The following SGCD variants were observed in gnomAD, a reference collection of about 807,000 sequenced individuals.
SGCD encodes delta-sarcoglycan.
A neutral mutation model predicts 36.6 loss-of-function variants in SGCD; 18 were observed. The ratio of observed to expected loss-of-function variants is 0.49; its 90% confidence interval spans 0.34 to 0.73. The LOEUF (loss-of-function observed/expected upper bound fraction) is 0.73, where lower values mean the gene tolerates loss of function less well. Among genes scored for constraint, SGCD ranks in the 30% least tolerant of loss-of-function variants. The pLI is 0.01. For synonymous variants in SGCD, 133 were observed against 130.6 expected, an observed-to-expected ratio of 1.02 and a Z score of -0.12; for missense variants, 387 against 346.7, an observed-to-expected ratio of 1.12 and a Z score of -0.92.
chr5:156,527,288 A>C (rs1470915440), intron 4 of SGCD, among the ~76,000 whole-genome samples: 1 of 152,204 alleles, frequency 6.6e-6, no homozygotes, highest in Non-Finnish European at 1.5e-5. Context: ...ATCAGAAAAA[A>C]AACATAAACT....
rs543585243 is a variant in SGCD, at chr5:156,434,721, T to A, written c.193-73880T>A. ...TTTCCCTAATCATTAGGCGATTGAG[T>A]TGACAGTGATTGGTCACAAACATGC... On this transcript the variant is annotated intron_variant, in intron 3 of 8. Coordinates refer to ENST00000337851, the MANE Select transcript of SGCD (RefSeq NM_000337.6). Among the ~76,000 whole-genome samples, 41 of 152,254 alleles carry A rather than the reference T, an allele frequency of 2.7e-4. No homozygotes were observed. The South Asian group carries it at 7.0e-3, about 26-fold the overall frequency.
At chr5:155,906,150 G>A (rs1469905239) in intron 1 of SGCD, among the ~76,000 whole-genome samples, 2 of 152,024 alleles carry the variant, frequency 1.3e-5, no homozygotes, top group African/African-American at 2.4e-5. Flanking sequence ...TGCTATTAAT[G>A]TAAGTGTTTT....
chr5:156,307,539 A>T (rs1767248899), intron 3 of SGCD, among the ~76,000 whole-genome samples: 1 of 83,964 alleles, frequency 1.2e-5, no homozygotes. Context: ...TCTTGTCTGT[A>T]TACATTTTAA....
At chr5:155,942,488 G>A (rs1191531543) in intron 1 of SGCD, among the ~76,000 whole-genome samples, 1 of 152,076 alleles carries the variant, frequency 6.6e-6, no homozygotes, top group Non-Finnish European at 1.5e-5. Context: ...GAGAATTCTA[G>A]AAAGGACAGC....
intron 7 of SGCD, among the ~76,000 whole-genome samples, chr5:156,695,516 GATA>G (rs1754281303): frequency 7.6e-4 from 1 of 1,310 alleles, no homozygotes; most frequent in East Asian, 0.042. Flanking sequence ...TAGATGGATA[GATA>G]GATAGATAGA....
rs181888443 is a variant in SGCD at position 155,924,708 on chromosome 5, T to C, written c.-282+54284T>C. ...TTTGGGATCTCAGTATGTCCTTAGG[T>C]AAAAGGAGGAGACTGAATTGGGGTC... On this transcript the variant is annotated intron_variant, in intron 1 of 9. Coordinates refer to the SGCD transcript ENST00000517913. Among the ~76,000 whole-genome samples the C allele has an allele frequency of 5.3e-5, 8 of 152,290 alleles. No homozygotes were observed. In the East Asian group the frequency reaches 9.6e-4, roughly 18 times the overall value.
the SGCD span, among the ~76,000 whole-genome samples, chr5:155,820,305 A>T: frequency 6.6e-6 from 1 of 152,184 alleles, no homozygotes; most frequent in Non-Finnish European, 1.5e-5. Context: ...GCAGACAGGC[A>T]GAATTGGAAA....
intron 3 of SGCD, among the ~76,000 whole-genome samples, chr5:156,454,687 C>G (rs569232795): frequency 1.3e-5 from 2 of 152,030 alleles, no homozygotes; most frequent in African/African-American, 2.4e-5. Flanking sequence ...ACAGAGAGAG[C>G]ATTGGCATGG....
At chr5:156,296,180 C>T (rs1176196575) in intron 3 of SGCD, among the ~76,000 whole-genome samples, 1 of 152,096 alleles carries the variant, frequency 6.6e-6, no homozygotes, top group Non-Finnish European at 1.5e-5. Context: ...CTTCACAGTC[C>T]ATTCAGAATG....
chr5:156,074,158 C>T (rs142197551), intron 1 of SGCD, among the ~76,000 whole-genome samples: 24 of 152,262 alleles, frequency 1.6e-4, no homozygotes, highest in African/African-American at 5.8e-4. Flanking sequence ...TCTTTTGGAA[C>T]CACATATGGA....
the SGCD span, among the ~76,000 whole-genome samples, chr5:155,729,231 A>G: frequency 2.6e-5 from 4 of 152,194 alleles, no homozygotes; most frequent in Non-Finnish European, 5.9e-5. Context: ...CAGATCGCTG[A>G]CTTCCTCACC....
chr5:155,911,646 CT>C (rs2113357652), intron 1 of SGCD, among the ~76,000 whole-genome samples: 1 of 152,156 alleles, frequency 6.6e-6, no homozygotes, highest in Admixed American at 6.6e-5. Context: ...ATATCCTCTT[CT>C]TTTGAATTCA....
At chr5:156,274,678 T>G (rs756550810) in intron 3 of SGCD, among the ~76,000 whole-genome samples, 1 of 152,116 alleles carries the variant, frequency 6.6e-6, no homozygotes, top group Non-Finnish European at 1.5e-5. Flanking sequence ...GAGTAATCTT[T>G]TATGCTGAGT....
intron 3 of SGCD, among the ~76,000 whole-genome samples, chr5:156,402,423 G>A (rs1292993431): frequency 6.6e-6 from 1 of 152,194 alleles, no homozygotes; most frequent in Non-Finnish European, 1.5e-5. Context: ...TGAAGGTTAC[G>A]TGCAAAAGAG....
intron 1 of SGCD, among the ~76,000 whole-genome samples, chr5:155,888,113 A>G (rs1262724293): frequency 6.6e-6 from 1 of 152,206 alleles, no homozygotes; most frequent in East Asian, 1.9e-4. Flanking sequence ...CCTCTGAAAT[A>G]TCCCTGAAAT....
At chr5:156,651,792 G>A (rs573518511) in intron 7 of SGCD, among the ~76,000 whole-genome samples, 7 of 151,908 alleles carry the variant, frequency 4.6e-5, no homozygotes, top group African/African-American at 1.7e-4. Flanking sequence ...GGTTCCATAT[G>A]AATTTTAGAA....
At chr5:156,186,695 T>C (rs1763769966) in intron 3 of SGCD, among the ~76,000 whole-genome samples, 1 of 152,218 alleles carries the variant, frequency 6.6e-6, no homozygotes, top group Non-Finnish European at 1.5e-5. Context: ...TATTCTCTGC[T>C]GTCCTGTGTC....
intron 1 of SGCD, among the ~76,000 whole-genome samples, chr5:156,052,790 G>T (rs1759955192): frequency 6.8e-6 from 1 of 146,222 alleles, no homozygotes; most frequent in South Asian, 2.2e-4. Flanking sequence ...CATCTGTCAT[G>T]ATGGTGTTTT....
intron 1 of SGCD, among the ~76,000 whole-genome samples, chr5:156,027,472 T>C (rs1350232617): frequency 6.6e-6 from 1 of 152,212 alleles, no homozygotes; most frequent in African/African-American, 2.4e-5. Flanking sequence ...GATCTGACAC[T>C]GATTCCAATT....
Sources: allele counts gnomAD v4.1 joint callset (sites outside exome capture counted in the v4.1 genomes callset), GRCh38; gene constraint gnomAD v4.1.1; transcripts MANE v1.5; gene names NCBI Gene and HGNC (gene_info 2026-07-23, HGNC 2026-07-21).